PCSK5: variants seen among roughly 807,000 people sequenced by gnomAD.
PCSK5 encodes prohormone convertase 5.
Under a neutral mutation model 233.2 loss-of-function variants are expected in PCSK5, and 129 were observed. That is an observed-to-expected ratio of 0.55 (90% CI 0.48 to 0.64). The LOEUF (loss-of-function observed/expected upper bound fraction) is 0.64. Ranked by LOEUF, PCSK5 falls within the 30% of genes least tolerant of loss-of-function variation. The pLI is 0.00. For missense variants in PCSK5, 2,076 were observed against 2,430.1 expected, an observed-to-expected ratio of 0.85 and a Z score of 3.06; for synonymous variants, 825 against 879.2, an observed-to-expected ratio of 0.94 and a Z score of 1.09.
At chr9:76,031,690 A>G (rs1438417123) in intron 5 of PCSK5, among the ~76,000 whole-genome samples, 1 of 152,216 alleles carries the variant, frequency 6.6e-6, no homozygotes, top group Non-Finnish European at 1.5e-5. Context: ...CCCTGTCTCA[A>G]AAAATAATAA....
At chr9:75,923,369 A>G (rs558461487) in intron 1 of PCSK5, among the ~76,000 whole-genome samples, 39 of 152,198 alleles carry the variant, frequency 2.6e-4, no homozygotes, top group Non-Finnish European at 5.1e-4. Context: ...CTTTGAATAG[A>G]TAAGTCATTT....
intron 20 of PCSK5, among the ~76,000 whole-genome samples, chr9:76,202,189 C>A (rs996494938): frequency 1.1e-4 from 17 of 152,184 alleles, no homozygotes; most frequent in Non-Finnish European, 2.2e-4. Context: ...GATCCAACAC[C>A]AAGTCAAGAC....
chr9:76,083,888 T>C (rs913643318), intron 7 of PCSK5, among the ~76,000 whole-genome samples: 15 of 152,234 alleles, frequency 9.9e-5, no homozygotes, highest in Admixed American at 3.9e-4. Context: ...GAGGGATATG[T>C]TTTTATCTGA....
In PCSK5 at chr9:76,296,737, A is replaced by G. The variant is rs568378755; in HGVS notation, c.3395A>G (p.His1132Arg). Residue 1132 changes from histidine (H) to arginine (R), a missense_variant, in exon 27 of 38, where the codon CAC becomes CGC. Physicochemically the swap from His to Arg is conservative, Grantham distance 29. Around this residue, in one of 6 missense-constraint regions of PCSK5, gnomAD observed 1,510 missense variants for 1,538.1 expected, o/e 0.98. Coordinates refer to ENST00000674117, the MANE Select transcript of PCSK5 (RefSeq NM_001372043.1). ...GAAATGGGAGAATGTGAGTCCTGCC[A>G]CCGAGCATGCGAAACCTGCACAGGC... ...DQEMGECESC[H>R]RACETCTGPG... The G allele has an allele frequency of 2.1e-5, 34 of 1,612,476 alleles. No homozygotes were observed. In the Admixed American group the frequency reaches 5.5e-4, roughly 26 times the overall value.
At chr9:76,332,943 G>A (rs573086721) in intron 34 of PCSK5, among the ~76,000 whole-genome samples, 1 of 152,358 alleles carries the variant, frequency 6.6e-6, no homozygotes, top group East Asian at 1.9e-4. Context: ...GTGGGAGGTT[G>A]AGGCTGGAGG....
intron 35 of PCSK5, among the ~76,000 whole-genome samples, chr9:76,342,283 T>C (rs1336490550): frequency 6.6e-6 from 1 of 152,172 alleles, no homozygotes; most frequent in Non-Finnish European, 1.5e-5. Context: ...CCAGCCTCAC[T>C]CTACTAATCC....
chr9:76,103,704 G>T (rs1197898848), intron 8 of PCSK5, among the ~76,000 whole-genome samples: 1 of 152,170 alleles, frequency 6.6e-6, no homozygotes, highest in South Asian at 2.1e-4. Context: ...CCTGAGAGAC[G>T]CTGAAAATCT....
At chr9:76,275,606 G>A (rs1827665711) in intron 24 of PCSK5, among the ~76,000 whole-genome samples, 1 of 152,062 alleles carries the variant, frequency 6.6e-6, no homozygotes, top group Non-Finnish European at 1.5e-5. Context: ...TGTATTTTTA[G>A]TAGAGACAGG....
chr9:76,343,945 TA>T (rs34043314), intron 35 of PCSK5, among the ~76,000 whole-genome samples: 67,499 of 150,056 alleles, frequency 0.45, 15,677 homozygotes, highest in Middle Eastern at 0.56. Context: ...TAGTCATGTT[TA>T]AAAAAAAAAA....
In PCSK5 at chr9:76,023,902, G is replaced by A. The variant is rs766674543; in HGVS notation, c.555+21G>A. 4 of 1,580,008 alleles carry A rather than the reference G, an allele frequency of 2.5e-6. No individual in the cohort carries two copies. In the Admixed American group the frequency reaches 5.5e-5, roughly 22 times the overall value. ...ACTACGTGAGTGTATGCTGTGGTTA[G>A]AAGGTCTTTCCTTCTGGGAAACAGA... is the stretch of plus-strand genomic sequence containing the variant. On this transcript the variant is annotated intron_variant, in intron 4 of 37. Transcript: ENST00000674117.
chr9:76,142,504 G>A (rs1249341380), intron 10 of PCSK5, among the ~76,000 whole-genome samples: 2 of 151,998 alleles, frequency 1.3e-5, no homozygotes, highest in Non-Finnish European at 2.9e-5. Flanking sequence ...TCCTAGCTGG[G>A]GTGGAGCGAG....
At chr9:76,279,046 A>G (rs922509490) in intron 24 of PCSK5, among the ~76,000 whole-genome samples, 17 of 143,812 alleles carry the variant, frequency 1.2e-4, no homozygotes, top group Non-Finnish European at 2.0e-4. Flanking sequence ...ATGTCTCCCA[A>G]TGCTATCCCT....
intron 21 of PCSK5, among the ~76,000 whole-genome samples, chr9:76,230,767 C>T (rs931423369): frequency 1.3e-5 from 2 of 152,076 alleles, no homozygotes; most frequent in East Asian, 3.9e-4. Flanking sequence ...AGGTTGCGTG[C>T]TCATTATGAG....
intron 3 of PCSK5, among the ~76,000 whole-genome samples, chr9:75,990,416 A>G (rs1398755369): frequency 1.3e-5 from 2 of 152,170 alleles, no homozygotes; most frequent in Non-Finnish European, 2.9e-5. Flanking sequence ...GGCTTGGGCA[A>G]TATATTCAGG....
intron 8 of PCSK5, among the ~76,000 whole-genome samples, chr9:76,099,120 A>G (rs186945897): frequency 5.9e-5 from 9 of 151,962 alleles, no homozygotes; most frequent in Non-Finnish European, 1.0e-4. Context: ...TGTTTAATGC[A>G]TTTCTTCTGT....
At chr9:76,314,170 T>C (rs2055164) in intron 30 of PCSK5, among the ~76,000 whole-genome samples, 41,193 of 152,094 alleles carry the variant, frequency 0.27, 5,813 homozygotes, top group Middle Eastern at 0.38. Flanking sequence ...GCTTAATGTA[T>C]TTTACCTCAG....
chr9:76,332,633 C>A (rs765405887), intron 34 of PCSK5, 23 bp downstream of exon 34: 2 of 1,516,006 alleles, frequency 1.3e-6, no homozygotes, highest in Non-Finnish European at 1.8e-6. Context: ...TACATTTTCC[C>A]CCATGTAATT....
chr9:76,260,911 ATAT>A (rs2131359059), intron 24 of PCSK5, among the ~76,000 whole-genome samples: 1 of 152,286 alleles, frequency 6.6e-6, no homozygotes, highest in South Asian at 2.1e-4. Context: ...TTTCTTATAA[ATAT>A]TATTAATGGG....
intron 3 of PCSK5, among the ~76,000 whole-genome samples, chr9:75,986,995 C>G (rs988065366): frequency 6.6e-6 from 1 of 152,068 alleles, no homozygotes; most frequent in Non-Finnish European, 1.5e-5. Context: ...TGTAAATCAC[C>G]CTTTACTTTC....
Sources: gnomAD v4.1 joint callset for allele counts (sites outside exome capture counted in the v4.1 genomes callset) on GRCh38, gnomAD v4.1.1 for gene constraint, gnomAD v4.1.1 regional missense constraint, MANE v1.5 for transcripts, NCBI Gene and HGNC (gene_info 2026-07-23, HGNC 2026-07-21) for gene names.